The following KIAA0319L variants were observed in gnomAD, a reference collection of about 807,000 sequenced individuals.
The protein encoded by KIAA0319L is KIAA0319 like, also known as dyslexia-associated protein KIAA0319-like protein.
KIAA0319L carries 55 observed loss-of-function variants against 120.1 expected under a neutral mutation model. The observed-to-expected ratio is 0.46, with a 90% CI of 0.37 to 0.57. The LOEUF (loss-of-function observed/expected upper bound fraction) is 0.57. Ranked by LOEUF, KIAA0319L falls within the 20% of genes least tolerant of loss-of-function variation. The probability of loss-of-function intolerance (pLI) is 0.00; values close to 1 mark genes in which losing one functional copy is unlikely to be tolerated. For synonymous variants in KIAA0319L, 398 were observed against 471.9 expected (o/e 0.84, Z 2.03); for missense variants, 1,049 against 1,255.3 (o/e 0.84, Z 2.48).
At chr1:35,481,144 G>C (rs915558537) in intron 3 of KIAA0319L, among the ~76,000 whole-genome samples, 1 of 152,090 alleles carries the variant, frequency 6.6e-6, no homozygotes, top group African/African-American at 2.4e-5. Flanking sequence ...TTTTATTACT[G>C]AGTAGTTTTC....
intron 2 of KIAA0319L, among the ~76,000 whole-genome samples, chr1:35,522,343 T>C (rs1387002355): frequency 6.6e-6 from 1 of 152,048 alleles, no homozygotes; most frequent in East Asian, 1.9e-4. Flanking sequence ...GCAGTGGCAC[T>C]ATCTTGGCTC....
At chr1:35,462,818 C>A in intron 7 of KIAA0319L, 105 bp from the exon 8 acceptor site, 1 of 922,726 alleles carries the variant, frequency 1.1e-6, no homozygotes, top group South Asian at 1.5e-5. Flanking sequence ...CATCAGTGGT[C>A]CCTAGCCTTT....
chr1:35,503,887 C>CTT (rs1175289801), intron 3 of KIAA0319L, among the ~76,000 whole-genome samples: 9 of 138,642 alleles, frequency 6.5e-5, no homozygotes, highest in East Asian at 2.1e-4. Flanking sequence ...TTGTGATTTT[C>CTT]TTTTTTTTTT....
chr1:35,452,253 A>G (rs1469731431), intron 12 of KIAA0319L, among the ~76,000 whole-genome samples: 1 of 152,246 alleles, frequency 6.6e-6, no homozygotes, highest in Admixed American at 6.5e-5. Context: ...AGGAACTCTC[A>G]GGACAAAATC....
intron 2 of KIAA0319L, among the ~76,000 whole-genome samples, chr1:35,514,309 C>G (rs115247312): frequency 0.012 from 1,834 of 150,270 alleles, 40 homozygotes; most frequent in African/African-American, 0.043. Context: ...CATATGAAAT[C>G]AACAAACATT....
chr1:35,468,925 A>T (rs904293786), intron 6 of KIAA0319L, among the ~76,000 whole-genome samples: 2 of 152,260 alleles, frequency 1.3e-5, no homozygotes, highest in African/African-American at 4.8e-5. Context: ...TTTGTAAAAA[A>T]GATAGTAATA....
At chr1:35,475,014 C>G in intron 4 of KIAA0319L, 108 bp from the exon 5 acceptor site, 1 of 643,212 alleles carries the variant, frequency 1.6e-6, no homozygotes, top group African/African-American at 1.9e-5. Flanking sequence ...CAGCTACTGC[C>G]ATCAATTACT....
intron 3 of KIAA0319L, among the ~76,000 whole-genome samples, chr1:35,495,697 G>A (rs536016547): frequency 8.1e-4 from 123 of 152,010 alleles, no homozygotes; most frequent in Non-Finnish European, 1.4e-3. Context: ...CTGTCACCCA[G>A]GCTAGAGTGT....
At position 35,482,273 on chromosome 1, in the gene KIAA0319L, G is replaced by C. The variant is rs111522612; in HGVS notation, c.667-3061C>G. 3.0e-4 allele frequency among the ~76,000 whole-genome samples: 46 copies of C among 152,090 alleles called. 1 individual carries two copies. The highest frequency in any genetic ancestry group is 1.1e-3 in the African/African-American group (44 of 41,494). On this transcript the variant is annotated intron_variant, in intron 3 of 20. Coordinates refer to ENST00000325722, the MANE Select transcript of KIAA0319L (RefSeq NM_024874.5). ...TAACAAAATACAAACAAAATGTTTTGTGTATCAATAATTCATTTCTTAGCA... is the reference window on the plus strand; with the variant it reads ...TAACAAAATACAAACAAAATGTTTTCTGTATCAATAATTCATTTCTTAGCA...
chr1:35,438,422 A>C (rs1570596093), intron 20 of KIAA0319L: 1 of 151,590 alleles, frequency 6.6e-6, no homozygotes, highest in East Asian at 1.9e-4. Flanking sequence ...TGTATCTAGA[A>C]TCTATCTGCC....
intron 4 of KIAA0319L, among the ~76,000 whole-genome samples, chr1:35,475,352 TA>T (rs1643869321): frequency 3.3e-5 from 5 of 152,322 alleles, no homozygotes; most frequent in Admixed American, 6.5e-5. Context: ...TGCTAACAAA[TA>T]ACTTTCTAAT....
rs1033372929 is a variant in KIAA0319L at position 35,492,624 on chromosome 1, A to G, written c.667-13412T>C. Among the ~76,000 whole-genome samples, 29 of 152,270 alleles carry G rather than the reference A, an allele frequency of 1.9e-4. 1 individual carries two copies. Among genetic ancestry groups the G allele is most frequent in the Admixed American group, 1.8e-3 (28 of 15,282 alleles). ...TTTGAAATCAATCATATTATTCACC[A>G]TATTAACATACTAAAAACAAAAAAA... On this transcript the variant is annotated intron_variant, in intron 3 of 20. Transcript: ENST00000325722.
chr1:35,466,776 C>G, intron 6 of KIAA0319L, 81 bp from the exon 7 acceptor site: 1 of 972,584 alleles, frequency 1.0e-6, no homozygotes, highest in Non-Finnish European at 1.6e-6. Flanking sequence ...TGAACTTTCC[C>G]AAGCTGAATC....
intron 4 of KIAA0319L, 149 bp from the exon 5 acceptor site, chr1:35,475,055 T>A (rs531168303): frequency 8.1e-5 from 45 of 558,714 alleles, no homozygotes; most frequent in African/African-American, 6.9e-4. Flanking sequence ...TTGCTTGAAA[T>A]TTGATTCTGT....
chr1:35,543,596 G>A (rs1005143154), intron 2 of KIAA0319L, among the ~76,000 whole-genome samples: 2 of 152,174 alleles, frequency 1.3e-5, no homozygotes, highest in Non-Finnish European at 2.9e-5. Flanking sequence ...GGCTCTGACT[G>A]GTACAACAGA....
intron 11 of KIAA0319L, 32 bp downstream of exon 11, chr1:35,454,330 A>C (rs768235499): frequency 6.2e-7 from 1 of 1,611,556 alleles, no homozygotes; most frequent in Non-Finnish European, 8.5e-7. Context: ...ACCCACCAAT[A>C]GAAGAGCCTG....
intron 2 of KIAA0319L, among the ~76,000 whole-genome samples, chr1:35,541,349 CTTTTTTTTTTTTTT>C (rs528087751): frequency 1.6e-5 from 2 of 127,514 alleles, no homozygotes; most frequent in African/African-American, 6.0e-5. Context: ...TTTTTTTTTC[CTTTTTTTTTTTTTT>C]TTTTGAGATG....
chr1:35,513,289 T>TATATATATATATATATATA (rs1491413167), intron 2 of KIAA0319L, among the ~76,000 whole-genome samples: 1 of 70,626 alleles, frequency 1.4e-5, no homozygotes, highest in African/African-American at 5.7e-5. Flanking sequence ...TATATATATA[T>TATATATATATATATATATA]TTTTTTTTTT....
At chr1:35,550,381 G>A (rs1020035965) in intron 2 of KIAA0319L, among the ~76,000 whole-genome samples, 4 of 152,198 alleles carry the variant, frequency 2.6e-5, no homozygotes, top group Non-Finnish European at 4.4e-5. Context: ...GGTAAACACT[G>A]AGTAAACTCA....
Sources: allele counts gnomAD v4.1 joint callset (sites outside exome capture counted in the v4.1 genomes callset), GRCh38; gene constraint gnomAD v4.1.1; transcripts MANE v1.5; gene names NCBI Gene and HGNC (gene_info 2026-07-23, HGNC 2026-07-21).